Variants in PCDHA5 observed in about 807,000 individuals in gnomAD.
PCDHA5 encodes protocadherin alpha 5, also known as protocadherin alpha-5.
Under a neutral mutation model 61.6 loss-of-function variants are expected in PCDHA5, and 43 were observed. That is an observed-to-expected ratio of 0.70 (90% CI 0.55 to 0.90). The LOEUF (loss-of-function observed/expected upper bound fraction) is 0.90. Ranked by LOEUF, PCDHA5 falls within the 40% of genes least tolerant of loss-of-function variation. The pLI, the probability that PCDHA5 is intolerant of heterozygous loss-of-function variation, is 0.00. For missense variants in PCDHA5, 1,298 were observed against 1,222.7 expected, an observed-to-expected ratio of 1.06 and a Z score of -0.92; for synonymous variants, 627 against 543.9, an observed-to-expected ratio of 1.15 and a Z score of -2.13.
intron 1 of PCDHA5, chr5:140,966,880 C>T (rs1554228837): frequency 1.3e-6 from 2 of 1,588,288 alleles, no homozygotes; most frequent in Admixed American, 3.5e-5. Flanking sequence ...TGCTACCTGG[C>T]CCTGCGGCCT....
chr5:140,937,099 G>T (rs890589684), intron 1 of PCDHA5, among the ~76,000 whole-genome samples: 1 of 149,656 alleles, frequency 6.7e-6, no homozygotes, highest in Non-Finnish European at 1.5e-5. Flanking sequence ...GTGCAGTGGC[G>T]CAGTCTCGGC....
At chr5:140,926,708 C>T in intron 1 of PCDHA5, 2 of 896,260 alleles carry the variant, frequency 2.2e-6, no homozygotes, top group Non-Finnish European at 3.1e-6. Flanking sequence ...CCCAGCTGGC[C>T]AGCCCCGGCA....
At chr5:140,870,686 A>G (rs2052295402) in intron 1 of PCDHA5, 2 of 1,612,732 alleles carry the variant, frequency 1.2e-6, no homozygotes, top group African/African-American at 2.7e-5. Flanking sequence ...GAGGAGCTGG[A>G]GCTGCTACAG....
intron 1 of PCDHA5, among the ~76,000 whole-genome samples, chr5:140,903,398 T>C (rs1011557575): frequency 1.3e-5 from 2 of 152,204 alleles, no homozygotes; most frequent in Admixed American, 1.3e-4. Context: ...CTAGAAACAG[T>C]AGTGCAGTCA....
intron 1 of PCDHA5, chr5:140,966,281 G>C (rs1261464121): frequency 8.2e-5 from 30 of 366,710 alleles, no homozygotes; most frequent in Non-Finnish European, 1.3e-4. Flanking sequence ...TGGACAGTGG[G>C]GGTAGGGAGA....
intron 1 of PCDHA5, chr5:140,929,372 G>A: frequency 1.3e-6 from 2 of 1,514,740 alleles, no homozygotes; most frequent in Non-Finnish European, 1.8e-6. Context: ...GGAGATGGCT[G>A]CTAGCTGTGT....
At chr5:140,860,807 G>C (rs907238053) in intron 1 of PCDHA5, 3 of 152,116 alleles carry the variant, frequency 2.0e-5, no homozygotes. Context: ...GCACGATCTC[G>C]GCTCACTGCA....
chr5:140,918,750 CAG>C (rs2078839943), intron 1 of PCDHA5, among the ~76,000 whole-genome samples: 1 of 152,070 alleles, frequency 6.6e-6, no homozygotes, highest in African/African-American at 2.4e-5. Flanking sequence ...AAAAGAGGCC[CAG>C]AGAGGTGCCT....
intron 1 of PCDHA5, chr5:140,836,465 G>C (rs2150261625): frequency 6.2e-7 from 1 of 1,613,860 alleles, no homozygotes; most frequent in Admixed American, 1.7e-5. Context: ...CCGAGCTGGT[G>C]GATGTCAACG....
At chr5:140,870,810 T>C in intron 1 of PCDHA5, 2 of 1,613,710 alleles carry the variant, frequency 1.2e-6, no homozygotes, top group South Asian at 1.1e-5. Context: ...CGACTCAGGC[T>C]GGCAGCGCGG....
chr5:140,988,038 T>C (rs1045669411), intron 3 of PCDHA5, among the ~76,000 whole-genome samples: 1 of 152,212 alleles, frequency 6.6e-6, no homozygotes, highest in African/African-American at 2.4e-5. Flanking sequence ...TTTTAGAATC[T>C]GTTTAGGAGC....
intron 3 of PCDHA5, among the ~76,000 whole-genome samples, chr5:141,007,506 T>A (rs1370245633): frequency 6.6e-6 from 1 of 151,948 alleles, no homozygotes; most frequent in Non-Finnish European, 1.5e-5. Flanking sequence ...AGGCAGAGAC[T>A]GCAGTGAGCT....
rs2054518116 is a variant in PCDHA5, at chr5:140,873,832, T to G, written c.2352+49705T>G. Among the ~76,000 whole-genome samples, 4 of 152,260 alleles carry G rather than the reference T, an allele frequency of 2.6e-5. No homozygotes were observed. In the South Asian group the frequency reaches 8.3e-4, roughly 32 times the overall value. On this transcript the variant is annotated intron_variant, in intron 1 of 3. Transcript: ENST00000529859. ...TGCACCACCACTCCTGGCTAATTTT[T>G]GTATTTTTAGTAGAGATGGGTTTTC...
In PCDHA5 at chr5:140,940,501, C is replaced by T. The variant is rs542798581; in HGVS notation, c.2353-38448C>T. Among the ~76,000 whole-genome samples, 272 of 152,010 alleles carry T rather than the reference C, an allele frequency of 1.8e-3. 2 individuals are homozygous for T. The highest frequency in any genetic ancestry group is 6.1e-3 in the African/African-American group (254 of 41,464). Reference sequence around the variant, plus strand: ...TTTTTCAAGACAAGTCTTGCTCCGTCGCTCAGGCGTGATCATAGCTCACTG... The same window carrying T: ...TTTTTCAAGACAAGTCTTGCTCCGTTGCTCAGGCGTGATCATAGCTCACTG... On this transcript the variant is annotated intron_variant, in intron 1 of 3. Coordinates refer to ENST00000529859, the MANE Select transcript of PCDHA5 (RefSeq NM_018908.3).
intron 1 of PCDHA5, chr5:140,883,600 G>A (rs2059695358): frequency 6.2e-7 from 1 of 1,613,890 alleles, no homozygotes; most frequent in Non-Finnish European, 8.5e-7. Flanking sequence ...TGTCGGTGGG[G>A]GTGGCCGACG....
intron 3 of PCDHA5, among the ~76,000 whole-genome samples, chr5:140,993,190 CTCACTAAAGCTAATTTTTT>C (rs2097544277): frequency 6.6e-6 from 1 of 152,022 alleles, no homozygotes; most frequent in Non-Finnish European, 1.5e-5. Flanking sequence ...TAGAGGGAAA[CTCACTAAAGCTAATTTTTT>C]TAGCTTTTTG....
At chr5:140,915,533 G>C (rs1200323853) in intron 1 of PCDHA5, among the ~76,000 whole-genome samples, 1 of 152,018 alleles carries the variant, frequency 6.6e-6, no homozygotes, top group Non-Finnish European at 1.5e-5. Flanking sequence ...GTACCATCTT[G>C]GAGGTCTTGA....
In PCDHA5 at chr5:140,876,944, C is replaced by T. The variant is rs550148099; in HGVS notation, c.2352+52817C>T. On this transcript the variant is annotated intron_variant, in intron 1 of 3. Transcript: ENST00000529859. ...GACGCGCAGAAGAACGCGCTGGTGT[C>T]CTACTCGCTGGTGGAGCGGCGGGTG... is the stretch of plus-strand genomic sequence containing the variant. The T allele has an allele frequency of 9.9e-6, 16 of 1,613,620 alleles. No individual in the cohort carries two copies. In the South Asian group the frequency reaches 1.5e-4, roughly 16 times the overall value.
At chr5:140,851,776 A>G (rs2042157879) in intron 1 of PCDHA5, 1 of 964,146 alleles carries the variant, frequency 1.0e-6, no homozygotes, top group South Asian at 4.8e-5. Flanking sequence ...TTATGAATTT[A>G]GATGAGAATT....
Sources: gnomAD v4.1 joint callset for allele counts (sites outside exome capture counted in the v4.1 genomes callset) on GRCh38, gnomAD v4.1.1 for gene constraint, MANE v1.5 for transcripts, NCBI Gene and HGNC (gene_info 2026-07-23, HGNC 2026-07-21) for gene names.